The following RABGAP1 variants were observed in gnomAD, a reference collection of about 807,000 sequenced individuals.
RABGAP1 encodes the protein rab GTPase-activating protein 1.
In RABGAP1, 23 loss-of-function variants were observed where a neutral mutation model predicts 137.6. The observed-to-expected ratio is 0.17, with a 90% CI of 0.12 to 0.24. RABGAP1 has a LOEUF of 0.24. RABGAP1 is among the 10% of genes least tolerant of loss of function. The pLI, the probability that RABGAP1 is intolerant of heterozygous loss-of-function variation, is 1.00. For synonymous variants in RABGAP1, 451 were observed against 450.7 expected (o/e 1.00, Z -0.01); for missense variants, 906 against 1,275.8 (o/e 0.71, Z 4.42).
intron 2 of RABGAP1, among the ~76,000 whole-genome samples, chr9:122,982,278 C>A (rs1017537922): frequency 2.0e-5 from 3 of 152,064 alleles, no homozygotes; most frequent in African/African-American, 7.2e-5. Flanking sequence ...GAAGACAGTT[C>A]TTATGTTTAT....
At chr9:122,989,722 T>G in intron 5 of RABGAP1, 3 of 552,372 alleles carry the variant, frequency 5.4e-6, no homozygotes, top group African/African-American at 1.9e-5. Context: ...GTAGGCATTC[T>G]GGTTCTAACA....
chr9:123,097,017 A>G (rs941205078), intron 21 of RABGAP1, among the ~76,000 whole-genome samples: 2 of 152,268 alleles, frequency 1.3e-5, no homozygotes, highest in Non-Finnish European at 2.9e-5. Context: ...TATCCATATC[A>G]GGAGCCCAGC....
chr9:122,954,567 G>T (rs999612094), intron 1 of RABGAP1, among the ~76,000 whole-genome samples: 1 of 152,168 alleles, frequency 6.6e-6, no homozygotes, highest in East Asian at 1.9e-4. Context: ...ATACAAAGTT[G>T]TTAGTGTCTG....
chr9:122,962,911 A>T (rs1215202124), intron 2 of RABGAP1, among the ~76,000 whole-genome samples: 1 of 152,232 alleles, frequency 6.6e-6, no homozygotes, highest in Admixed American at 6.5e-5. Context: ...ACAGCATTAT[A>T]AGAAAGCTGG....
intron 13 of RABGAP1, among the ~76,000 whole-genome samples, chr9:123,057,502 G>A (rs1452761986): frequency 4.0e-5 from 6 of 151,834 alleles, no homozygotes; most frequent in African/African-American, 7.3e-5. Flanking sequence ...GATGGCGGTC[G>A]GGAAGAGGCG....
chr9:122,990,791 AAAAAAATATATATATATATATATATATAT>A (rs1836661340), intron 6 of RABGAP1: 2 of 51,454 alleles, frequency 3.9e-5, no homozygotes, highest in Non-Finnish European at 7.3e-5. Flanking sequence ...AAAAAAAAAA[AAAAAAATATATATATATATATATATATAT>A]ATATATATAT....
In RABGAP1 at chr9:123,070,200, A is replaced by G. The variant is rs549471909; in HGVS notation, c.1909-150A>G. 12 of 1,362,350 alleles carry G rather than the reference A, an allele frequency of 8.8e-6. No homozygotes were observed. The South Asian group carries it at 1.8e-4, about 21-fold the overall frequency. 84.4% of individuals were successfully genotyped at this position (1,362,350 alleles called of 1,614,324 possible). A position where few individuals can be genotyped will look rare whatever the true frequency, so the allele number is the denominator to read the frequency against. The stretch of plus-strand genomic sequence containing the variant: ...TGTAAAGAAAAAGTTAAGATTGGAG[A>G]GAAGTATTGGCACCACTTACTGTCT... On this transcript the variant is annotated intron_variant, in intron 14 of 25. Transcript: ENST00000373647. The surrounding 1 kb of genome is among the most constrained non-coding windows in gnomAD (Gnocchi z 4.4).
intron 21 of RABGAP1, among the ~76,000 whole-genome samples, chr9:123,095,226 C>CAA (rs55675466): frequency 2.5e-3 from 153 of 61,190 alleles, no homozygotes; most frequent in African/African-American, 8.2e-3. Context: ...AACCTTGTCC[C>CAA]AAAAAAAAAA....
chr9:122,973,901 T>A (rs1323758438), intron 2 of RABGAP1, among the ~76,000 whole-genome samples: 1 of 151,682 alleles, frequency 6.6e-6, no homozygotes, highest in African/African-American at 2.4e-5. Context: ...TCCCAGCTAC[T>A]CCGGAGGCTG....
At chr9:123,066,098 T>G (rs1298669233) in intron 14 of RABGAP1, among the ~76,000 whole-genome samples, 1 of 152,214 alleles carries the variant, frequency 6.6e-6, no homozygotes, top group Non-Finnish European at 1.5e-5. Flanking sequence ...AATCAAGTAC[T>G]TATTTAGCAT....
intron 13 of RABGAP1, among the ~76,000 whole-genome samples, chr9:123,044,154 C>T (rs1343800208): frequency 2.6e-5 from 4 of 152,034 alleles, no homozygotes; most frequent in Non-Finnish European, 5.9e-5. Context: ...CCGCCCATCT[C>T]GGCCTCCCAA....
chr9:122,945,121 ACAC>A (rs1453940606), intron 1 of RABGAP1, among the ~76,000 whole-genome samples: 1 of 123,990 alleles, frequency 8.1e-6, no homozygotes, highest in Non-Finnish European at 1.7e-5. Context: ...GCCTGGAAAA[ACAC>A]CATGTATACA....
At chr9:123,102,709 G>A (rs2035378910) in intron 25 of RABGAP1, among the ~76,000 whole-genome samples, 1 of 152,122 alleles carries the variant, frequency 6.6e-6, no homozygotes, top group Admixed American at 6.5e-5. Flanking sequence ...TGGTGCTAAG[G>A]CTGGAAGAGA....
At chr9:123,057,781 G>C (rs891957412) in intron 13 of RABGAP1, among the ~76,000 whole-genome samples, 47 of 152,202 alleles carry the variant, frequency 3.1e-4, no homozygotes, top group African/African-American at 1.0e-3. Context: ...CTGAGTGAAC[G>C]AGACTCCGTC....
chr9:122,951,426 AAG>A (rs1229557322), intron 1 of RABGAP1, among the ~76,000 whole-genome samples: 3 of 152,130 alleles, frequency 2.0e-5, no homozygotes, highest in African/African-American at 7.2e-5. Flanking sequence ...AAAAAAAAAA[AAG>A]TTGAAGTTTT....
chr9:123,007,524 C>T (rs938042840), intron 10 of RABGAP1, among the ~76,000 whole-genome samples: 35 of 149,384 alleles, frequency 2.3e-4, no homozygotes, highest in Admixed American at 3.3e-4. Flanking sequence ...ACCACAGATG[C>T]GCACCACCAC....
At chr9:122,969,724 T>C (rs755138272) in intron 2 of RABGAP1, among the ~76,000 whole-genome samples, 1 of 121,014 alleles carries the variant, frequency 8.3e-6, no homozygotes, top group Non-Finnish European at 1.8e-5. Context: ...TGGTATAATA[T>C]GGAATTTAAA....
intron 22 of RABGAP1, among the ~76,000 whole-genome samples, chr9:123,098,418 G>A (rs1331250922): frequency 6.6e-6 from 1 of 152,250 alleles, no homozygotes; most frequent in Non-Finnish European, 1.5e-5. Flanking sequence ...TTTGGTTTGT[G>A]TCTGGTCTGT....
intron 2 of RABGAP1, among the ~76,000 whole-genome samples, chr9:122,974,783 A>G (rs1180883353): frequency 1.3e-5 from 2 of 152,222 alleles, no homozygotes; most frequent in Non-Finnish European, 2.9e-5. Flanking sequence ...AAGTAATACT[A>G]GAAATTCTAA....
Sources: allele counts gnomAD v4.1 joint callset (sites outside exome capture counted in the v4.1 genomes callset), GRCh38; gene constraint gnomAD v4.1.1; non-coding constraint Gnocchi (gnomAD v3.1); transcripts MANE v1.5; gene names NCBI Gene and HGNC (gene_info 2026-07-23, HGNC 2026-07-21).